ZNF320: variants seen among roughly 807,000 people sequenced by gnomAD.
ZNF320 encodes the protein zinc finger gene 320.
ZNF320 carries 2 observed loss-of-function variants against 6.8 expected under a neutral mutation model. The observed-to-expected ratio is 0.29, with a 90% CI of 0.12 to 0.93. The LOEUF (loss-of-function observed/expected upper bound fraction) is 0.93, where lower values mean the gene tolerates loss of function less well. Ranked by LOEUF, ZNF320 falls within the 40% of genes least tolerant of loss-of-function variation. The pLI is 0.55. For synonymous variants in ZNF320, 208 were observed against 203.2 expected, an observed-to-expected ratio of 1.02 and a Z score of -0.20; for missense variants, 472 against 611.0, an observed-to-expected ratio of 0.77 and a Z score of 2.40.
At chr19:52,889,923 G>T (rs1426203652) in intron 4 of ZNF320, among the ~76,000 whole-genome samples, 1 of 152,150 alleles carries the variant, frequency 6.6e-6, no homozygotes, top group Non-Finnish European at 1.5e-5. Context: ...AGAGCTGACA[G>T]AGCATCCAGA....
At chr19:52,874,483 G>A (rs1464740686), downstream of ZNF320, among the ~76,000 whole-genome samples, 1 of 152,134 alleles carries the variant, frequency 6.6e-6, no homozygotes, top group African/African-American at 2.4e-5. Flanking sequence ...TACTGAGGGT[G>A]GGTTTAAATC....
downstream of ZNF320, among the ~76,000 whole-genome samples, chr19:52,874,480 G>C (rs12974965): frequency 2.0e-5 from 3 of 152,104 alleles, no homozygotes; most frequent in African/African-American, 7.2e-5. Flanking sequence ...TATTACTGAG[G>C]GTGGGTTTAA....
intron 4 of ZNF320, among the ~76,000 whole-genome samples, chr19:52,889,418 C>T (rs998287038): frequency 2.6e-5 from 4 of 151,864 alleles, no homozygotes; most frequent in Non-Finnish European, 4.4e-5. Context: ...TGCCACTGTA[C>T]TCCAGCGTGG....
chr19:52,883,637 T>C lies in ZNF320; in HGVS notation c.143-1654A>G, dbSNP rs114624563. On this transcript the variant is annotated intron_variant, in intron 5 of 5. Transcript: ENST00000682928. ...ACTAATGGCCGGCCACGGTGGCACA[T>C]ACCTGTAATCCCAGCATTTTGGTAG... 2,674 of 455,460 alleles carry C rather than the reference T, an allele frequency of 5.9e-3. 65 individuals carry two copies. Among genetic ancestry groups the C allele is most frequent in the African/African-American group, 0.05 (2,479 of 50,040 alleles). 28.2% of individuals were successfully genotyped at this position (455,460 alleles called of 1,614,324 possible).
At position 52,879,807 on chromosome 19, in the gene ZNF320, T is replaced by C. The variant is rs2147807538; in HGVS notation, c.*789A>G. 1 of 152,154 alleles carries C rather than the reference T, an allele frequency of 6.6e-6. No homozygotes were observed. Among genetic ancestry groups the C allele is most frequent in the Non-Finnish European group, 1.5e-5 (1 of 68,004 alleles). 9.4% of individuals were successfully genotyped at this position (152,154 alleles called of 1,614,324 possible). Reference sequence around the variant, plus strand: ...TTCCATACATTAACAATAAACAATTTAAAAAGAAAATTAAAAAAACACTTT... The same window carrying C: ...TTCCATACATTAACAATAAACAATTCAAAAAGAAAATTAAAAAAACACTTT... On this transcript the variant is annotated 3_prime_UTR_variant, in exon 6 of 6. Transcript: ENST00000682928.
chr19:52,899,653 G>A (rs1600670295), upstream of ZNF320, among the ~76,000 whole-genome samples: 2 of 152,140 alleles, frequency 1.3e-5, no homozygotes, highest in East Asian at 3.9e-4. Context: ...AGTAGAGACG[G>A]GGTTTCACTG....
chr19:52,866,236 A>ATATTTATACATATGATTATAC (rs2063569989), intron 5 of ZNF320, among the ~76,000 whole-genome samples: 3 of 36,332 alleles, frequency 8.3e-5, no homozygotes, highest in African/African-American at 4.5e-4. Flanking sequence ...GATTATACAT[A>ATATTTATACATATGATTATAC]TATATATATA....
rs1600601975 is a variant in ZNF320 at position 52,878,075 on chromosome 19, A to T, written c.*2521T>A. 1.0e-5 allele frequency: 2 copies of T among 193,252 alleles called. No individual in the cohort carries two copies. The highest frequency in any genetic ancestry group is 2.5e-4 in the East Asian group (2 of 7,974). 12.0% of individuals were successfully genotyped at this position (193,252 alleles called of 1,614,324 possible). A position where few individuals can be genotyped will look rare whatever the true frequency, so the allele number is the denominator to read the frequency against. On this transcript the variant is annotated 3_prime_UTR_variant, in exon 6 of 6. Transcript: ENST00000682928. ...CTCTCCAGATAGTGGTGACATTTTC[A>T]GCTTGATATGGTAACGTGACTGAAT...
At chr19:52,889,341 C>A (rs896100890) in intron 4 of ZNF320, among the ~76,000 whole-genome samples, 2 of 151,932 alleles carry the variant, frequency 1.3e-5, no homozygotes, top group Non-Finnish European at 2.9e-5. Context: ...ACCCTTTTAA[C>A]TGCCTGGCCT....
chr19:52,872,343 C>T (rs2063694400), downstream of ZNF320, among the ~76,000 whole-genome samples: 1 of 152,204 alleles, frequency 6.6e-6, no homozygotes, highest in African/African-American at 2.4e-5. Context: ...GCCTGCCCCT[C>T]CACACCTGTG....
intron 5 of ZNF320, among the ~76,000 whole-genome samples, chr19:52,883,271 T>C (rs189377166): frequency 2.0e-5 from 3 of 152,158 alleles, no homozygotes; most frequent in Non-Finnish European, 2.9e-5. Flanking sequence ...CGAACTCCTG[T>C]GAACTCCTGT....
rs1468368724 is a variant in ZNF320, at chr19:52,882,708, G to A, written c.143-725C>T. Among the ~76,000 whole-genome samples, 5 of 152,136 alleles carry A rather than the reference G, an allele frequency of 3.3e-5. No individual in the cohort carries two copies. The South Asian group carries it at 8.3e-4, about 25-fold the overall frequency. On this transcript the variant is annotated intron_variant, in intron 5 of 5. Transcript: ENST00000682928. ...CTGTGATCCCAGTACTTTGGAAGGC[G>A]GAGGCAGGCACATCGCCTCAGGTTA... is the stretch of plus-strand genomic sequence containing the variant.
chr19:52,903,076 C>T, the ZNF320 span, among the ~76,000 whole-genome samples: 1 of 151,808 alleles, frequency 6.6e-6, no homozygotes, highest in Non-Finnish European at 1.5e-5. Context: ...TCTTATACAC[C>T]TTGTACATAA....
intron 5 of ZNF320, among the ~76,000 whole-genome samples, chr19:52,886,608 T>C (rs1473243183): frequency 1.3e-5 from 2 of 152,214 alleles, no homozygotes; most frequent in African/African-American, 4.8e-5. Context: ...AAACCACTTA[T>C]GTTTACTAAG....
chr19:52,888,063 A>C, intron 5 of ZNF320, 64 bp downstream of exon 5: 1 of 1,603,626 alleles, frequency 6.2e-7, no homozygotes, highest in South Asian at 1.1e-5. Context: ...TCCCAAGAGA[A>C]ACAAGAGAAA....
intron 2 of ZNF320, chr19:52,891,996 C>T (rs932543120): frequency 6.6e-6 from 1 of 152,164 alleles, no homozygotes; most frequent in African/African-American, 2.4e-5. Flanking sequence ...TGACTTTCAA[C>T]ATTTAATTCT....
chr19:52,899,509 C>G (rs2064560927), upstream of ZNF320, among the ~76,000 whole-genome samples: 1 of 152,152 alleles, frequency 6.6e-6, no homozygotes. Flanking sequence ...GTCACCCAGG[C>G]TGGAGTGCAG....
rs185922532 is a variant in ZNF320, at chr19:52,881,345, C to G, written c.781G>C (p.Val261Leu). Residue 261 changes from valine (V) to leucine (L), a missense_variant, in exon 6 of 6, where the codon GTG (valine) becomes CTG (leucine). Coordinates refer to ENST00000682928, the MANE Select transcript of ZNF320 (RefSeq NM_001351774.2). ...CCAGTATGCAGTCTATGATGGTACA[C>G]AAGGTGTGATGTCTGACTAAAGGTC... ...GKTFSQTSHL[V>L]YHHRLHTGEK... The G allele has an allele frequency of 6.2e-7, 1 of 1,614,084 alleles. No individual in the cohort carries two copies. Among genetic ancestry groups the G allele is most frequent in the Admixed American group, 1.7e-5 (1 of 60,020 alleles).
chr19:52,880,861 T>TAA lies in ZNF320; in HGVS notation c.1263_1264dup (p.Tyr422PhefsTer60). ...TCTTTCAAGGTGTGATTTGCGAATG[T>TAA]AAACTTTGTCACATTCTTCACATTC... On this transcript the variant is annotated frameshift_variant, in exon 6 of 6. Transcript: ENST00000682928. LOFTEE classifies it low-confidence loss of function (END_TRUNC). The TAA allele has an allele frequency of 6.2e-7, 1 of 1,613,930 alleles. No individual in the cohort carries two copies. The highest frequency in any genetic ancestry group is 8.5e-7 in the Non-Finnish European group (1 of 1,179,862).
Sources: allele counts gnomAD v4.1 joint callset (sites outside exome capture counted in the v4.1 genomes callset), GRCh38; gene constraint gnomAD v4.1.1; transcripts MANE v1.5; gene names NCBI Gene and HGNC (gene_info 2026-07-23, HGNC 2026-07-21).